The following SSBP3 variants were observed in gnomAD, a reference collection of about 807,000 sequenced individuals.
SSBP3 encodes the protein single-stranded DNA-binding protein 3.
In SSBP3, 5 loss-of-function variants were observed where a neutral mutation model predicts 69.6. The observed-to-expected ratio is 0.07, with a 90% CI of 0.04 to 0.15. The LOEUF is 0.15. SSBP3 is among the 10% of genes least tolerant of loss of function. The probability of loss-of-function intolerance (pLI) is 1.00; values close to 1 mark genes in which losing one functional copy is unlikely to be tolerated. For synonymous variants in SSBP3, 196 were observed against 193.4 expected (o/e 1.01, Z -0.11); for missense variants, 312 against 534.0 (o/e 0.58, Z 4.10).
rs1646106315 is a variant in SSBP3 at position 54,316,654 on chromosome 1, A to AT, written c.277-35128_277-35127insA. Among the ~76,000 whole-genome samples the AT allele has an allele frequency of 1.6e-4, 12 of 72,888 alleles. 1 individual carries two copies. Among genetic ancestry groups the AT allele is most frequent in the African/African-American group, 1.3e-3 (12 of 9,228 alleles). The allele number at this position is 72,888 out of a possible 152,430, so 47.8% of individuals were successfully genotyped here. Reference sequence around the variant, plus strand: ...CAGAGCGAGACTCCGTCTCAAAAAAAAAAAATAAAATAAATAAATAAATAA... The same window carrying AT: ...CAGAGCGAGACTCCGTCTCAAAAAAATAAAAATAAAATAAATAAATAAATAA... On this transcript the variant is annotated intron_variant, in intron 4 of 17. Transcript: ENST00000610401.
chr1:54,290,488 G>A (rs896968730), intron 4 of SSBP3, among the ~76,000 whole-genome samples: 2 of 152,242 alleles, frequency 1.3e-5, no homozygotes, highest in African/African-American at 2.4e-5. Context: ...GAAAGACTTG[G>A]TCTTCTGAGA....
At chr1:54,259,725 G>A (rs931407219) in intron 5 of SSBP3, among the ~76,000 whole-genome samples, 1 of 152,232 alleles carries the variant, frequency 6.6e-6, no homozygotes, top group African/African-American at 2.4e-5. Context: ...GGTGTGCAGA[G>A]AACATCGCAG....
intron 4 of SSBP3, among the ~76,000 whole-genome samples, chr1:54,319,042 C>T (rs1013785505): frequency 2.0e-5 from 3 of 152,114 alleles, no homozygotes; most frequent in African/African-American, 7.2e-5. Flanking sequence ...AGGCTGTCCA[C>T]ACCACACCAG....
At chr1:54,392,704 G>C (rs961241393) in intron 4 of SSBP3, among the ~76,000 whole-genome samples, 3 of 152,210 alleles carry the variant, frequency 2.0e-5, no homozygotes, top group African/African-American at 7.2e-5. Context: ...AAGGCTCAGA[G>C]CCTTGCTCAC....
chr1:54,257,436 C>T (rs1378622527), intron 6 of SSBP3, among the ~76,000 whole-genome samples: 1 of 152,066 alleles, frequency 6.6e-6, no homozygotes, highest in African/African-American at 2.4e-5. Context: ...AGGGCAGCGG[C>T]TGGGACTTTG....
At chr1:54,383,218 CA>C (rs112003124) in intron 4 of SSBP3, among the ~76,000 whole-genome samples, 6 of 145,562 alleles carry the variant, frequency 4.1e-5, no homozygotes, top group Non-Finnish European at 3.0e-5. Flanking sequence ...TATTAGAATA[CA>C]AAAAAAAAAT....
chr1:54,319,436 A>C (rs17101268), intron 4 of SSBP3, among the ~76,000 whole-genome samples: 9,935 of 152,200 alleles, frequency 0.065, 375 homozygotes, highest in East Asian at 0.13. Flanking sequence ...ATGTAGGTAC[A>C]TAAGACATCT....
chr1:54,393,399 C>T (rs547311392), intron 4 of SSBP3, among the ~76,000 whole-genome samples: 2 of 152,190 alleles, frequency 1.3e-5, no homozygotes, highest in South Asian at 2.1e-4. Flanking sequence ...ACACCTCTCA[C>T]CCCAACGTCA....
At chr1:54,251,112 G>A (rs1365476470) in intron 9 of SSBP3, among the ~76,000 whole-genome samples, 1 of 152,220 alleles carries the variant, frequency 6.6e-6, no homozygotes, top group Admixed American at 6.5e-5. Flanking sequence ...AACAGGTGGG[G>A]AAACTGAGGC....
intron 4 of SSBP3, among the ~76,000 whole-genome samples, chr1:54,350,885 G>A (rs11206336): frequency 2.0e-5 from 3 of 151,896 alleles, no homozygotes; most frequent in African/African-American, 7.3e-5. Context: ...ACCAATGCTG[G>A]AGTGCAGTGG....
At chr1:54,352,906 G>A (rs1048752415) in intron 4 of SSBP3, among the ~76,000 whole-genome samples, 3 of 152,190 alleles carry the variant, frequency 2.0e-5, no homozygotes, top group African/African-American at 7.2e-5. Context: ...CCTCTCAACA[G>A]AGCACAAAAG....
At chr1:54,347,630 T>A (rs1646711065) in intron 4 of SSBP3, among the ~76,000 whole-genome samples, 7 of 152,036 alleles carry the variant, frequency 4.6e-5, no homozygotes, top group Admixed American at 4.6e-4. Context: ...AAAAATGAGG[T>A]GATATTGGAT....
chr1:54,352,184 A>AATGATACGGC, intron 4 of SSBP3, among the ~76,000 whole-genome samples: 1 of 141,114 alleles, frequency 7.1e-6, no homozygotes, highest in East Asian at 2.1e-4. Context: ...CAAAAAAAAC[A>AATGATACGGC]GTCCCCTCAG....
At chr1:54,283,659 C>T (rs1299698536) in intron 4 of SSBP3, among the ~76,000 whole-genome samples, 1 of 152,328 alleles carries the variant, frequency 6.6e-6, no homozygotes, top group Admixed American at 6.5e-5. Context: ...GCAAGCCGCA[C>T]GTTACTTTTC....
At chr1:54,312,247 C>G (rs1421904488) in intron 4 of SSBP3, among the ~76,000 whole-genome samples, 2 of 151,254 alleles carry the variant, frequency 1.3e-5, no homozygotes, top group Admixed American at 1.3e-4. Context: ...ATGGATCGCA[C>G]CACTGCACTC....
chr1:54,379,278 A>T (rs1420850552), intron 4 of SSBP3, among the ~76,000 whole-genome samples: 1 of 152,228 alleles, frequency 6.6e-6, no homozygotes, highest in Non-Finnish European at 1.5e-5. Flanking sequence ...AGATGCTGTG[A>T]AGCCCTACCT....
intron 5 of SSBP3, among the ~76,000 whole-genome samples, chr1:54,269,747 C>G (rs1231566262): frequency 6.6e-6 from 1 of 152,220 alleles, no homozygotes; most frequent in Non-Finnish European, 1.5e-5. Context: ...GGTCTGAGAG[C>G]CAGCAGCTCT....
chr1:54,295,508 A>G (rs1403885525), intron 4 of SSBP3, among the ~76,000 whole-genome samples: 2 of 152,072 alleles, frequency 1.3e-5, no homozygotes, highest in South Asian at 2.1e-4. Flanking sequence ...TGGCCTCCTA[A>G]CCAAGCCGAC....
intron 5 of SSBP3, among the ~76,000 whole-genome samples, chr1:54,259,431 C>T (rs372457466): frequency 4.6e-5 from 7 of 152,200 alleles, no homozygotes; most frequent in South Asian, 2.1e-4. Flanking sequence ...AGTCAGTAAG[C>T]GCGGAGGGCT....
Sources: allele counts gnomAD v4.1 joint callset (sites outside exome capture counted in the v4.1 genomes callset), GRCh38; gene constraint gnomAD v4.1.1; transcripts MANE v1.5; gene names NCBI Gene and HGNC (gene_info 2026-07-23, HGNC 2026-07-21).